The following CHRNA5 variants were observed in gnomAD, a reference collection of about 807,000 sequenced individuals.
CHRNA5 encodes cholinergic receptor nicotinic alpha 5 subunit, also known as neuronal acetylcholine receptor subunit alpha-5.
Under a neutral mutation model 41.2 loss-of-function variants are expected in CHRNA5, and 28 were observed. The ratio of observed to expected loss-of-function variants is 0.68; its 90% confidence interval spans 0.50 to 0.93. The LOEUF is 0.93. Among genes scored for constraint, CHRNA5 ranks in the 40% least tolerant of loss-of-function variants. CHRNA5 has a pLI of 0.00. For missense variants in CHRNA5, 481 were observed against 581.9 expected (o/e 0.83, Z 1.78); for synonymous variants, 188 against 205.8 (o/e 0.91, Z 0.74).
chr15:78,592,180 G>A (rs2053022583), intron 5 of CHRNA5, among the ~76,000 whole-genome samples: 1 of 152,096 alleles, frequency 6.6e-6, no homozygotes, highest in Non-Finnish European at 1.5e-5. Context: ...AAATTAGCTG[G>A]GCATGGTGGT....
At chr15:78,576,575 A>C (rs369654838) in intron 1 of CHRNA5, among the ~76,000 whole-genome samples, 6 of 152,302 alleles carry the variant, frequency 3.9e-5, no homozygotes, top group East Asian at 3.9e-4. Flanking sequence ...TGAGCCCAAG[A>C]GTTCAAGACC....
chr15:78,590,340 C>G lies in CHRNA5; in HGVS notation c.949C>G (p.Leu317Val), dbSNP rs116099178. ...AGTCATACCTCTAATTGGAGAGTAT[C>G]TGGTATTTACCATGATTTTTGTGAC... Residue 317 changes from leucine to valine, a missense_variant, in exon 5 of 6, where the codon CTG (leucine) becomes GTG (valine). By Grantham distance (32) the Leu-to-Val change is conservative. Coordinates refer to ENST00000299565, the Ensembl canonical transcript of CHRNA5. 54 of 1,614,154 alleles carry G rather than the reference C, an allele frequency of 3.3e-5. No homozygotes were observed. The African/African-American group carries it at 7.1e-4, about 21-fold the overall frequency.
In CHRNA5 at chr15:78,590,453, GA is replaced by G; in HGVS notation, c.1063del (p.Ile355TyrfsTer12). ...ATGCCATGGCGCCTTTGGTCCGCAA[GA>G]TATTTCTTCACACGCTTCCCAAACT... On this transcript the variant is annotated frameshift_variant, in exon 5 of 6. Transcript: ENST00000299565. LOFTEE classifies it high-confidence loss of function. 1 of 1,614,204 alleles carries G rather than the reference GA, an allele frequency of 6.2e-7. No individual in the cohort carries two copies.
chr15:78,590,692 A>G (rs1036440224), intron 5 of CHRNA5, 56 bp downstream of exon 5: 10 of 1,462,102 alleles, frequency 6.8e-6, no homozygotes, highest in Non-Finnish European at 9.3e-6. Flanking sequence ...TTCAGAAGTT[A>G]CTTTCATTAA....
chr15:78,565,795 C>G, exon 1 of CHRNA5: 1 of 1,222,564 alleles, frequency 8.2e-7, no homozygotes, highest in Non-Finnish European at 1.0e-6. Flanking sequence ...GCGCTGCGGT[C>G]TAGCGGGCGC....
intron 5 of CHRNA5, among the ~76,000 whole-genome samples, chr15:78,591,755 A>G (rs1387050584): frequency 6.6e-6 from 1 of 152,196 alleles, no homozygotes; most frequent in African/African-American, 2.4e-5. Context: ...GGTCACATGC[A>G]TAAGTTCTTT....
At chr15:78,571,283 C>T (rs2052802450) in intron 1 of CHRNA5, among the ~76,000 whole-genome samples, 1 of 152,146 alleles carries the variant, frequency 6.6e-6, no homozygotes, top group African/African-American at 2.4e-5. Context: ...CAATGTAAGG[C>T]TAATAGAAGC....
intron 3 of CHRNA5, among the ~76,000 whole-genome samples, chr15:78,586,913 T>C (rs995742084): frequency 6.6e-6 from 1 of 152,210 alleles, no homozygotes; most frequent in Non-Finnish European, 1.5e-5. Flanking sequence ...TGCCAGACAC[T>C]GTTATGGGGA....
rs559900907 is a variant in CHRNA5, at chr15:78,566,369, TCG to T, written c.106+545_106+546del. ...CCAACTTCCCTGGCTTCGGGGCTAA[TCG>T]TTTGCATCCAGAGTTCCTCACTAGC... On this transcript the variant is annotated intron_variant, in intron 1 of 5. Coordinates refer to ENST00000299565, the Ensembl canonical transcript of CHRNA5. Among the ~76,000 whole-genome samples the T allele has an allele frequency of 1.9e-4, 29 of 152,334 alleles. No homozygotes were observed. The South Asian group carries it at 3.1e-3, about 16-fold the overall frequency.
chr15:78,584,363 A>G (rs572486791), intron 2 of CHRNA5, among the ~76,000 whole-genome samples: 2 of 152,356 alleles, frequency 1.3e-5, no homozygotes, highest in East Asian at 3.9e-4. Flanking sequence ...CTCTTCTGCT[A>G]TATTTACACA....
At chr15:78,590,820 T>G in intron 5 of CHRNA5, 184 bp downstream of exon 5, 1 of 575,394 alleles carries the variant, frequency 1.7e-6, no homozygotes, top group Non-Finnish European at 3.0e-6. Flanking sequence ...TTAAAGCACC[T>G]GCAAAATGGG....
chr15:78,590,222 T>C, exon 5 of CHRNA5: 1 of 1,614,022 alleles, frequency 6.2e-7, no homozygotes, highest in Non-Finnish European at 8.5e-7. Context: ...TTCCTTCAAA[T>C]GAAGGTGAAA....
exon 5 of CHRNA5, chr15:78,590,336 G>A (rs2053000956): frequency 6.2e-7 from 1 of 1,614,024 alleles, no homozygotes; most frequent in Non-Finnish European, 8.5e-7. Context: ...TAATTGGAGA[G>A]TATCTGGTAT....
exon 1 of CHRNA5, chr15:78,565,782 G>C (rs1391837505): frequency 2.5e-6 from 3 of 1,221,034 alleles, no homozygotes; most frequent in East Asian, 3.2e-5. Context: ...AGCTGGTCGC[G>C]GGGCGCTGCG....
At chr15:78,586,574 A>G in intron 2 of CHRNA5, 71 bp from the exon 3 acceptor site, 1 of 927,722 alleles carries the variant, frequency 1.1e-6, no homozygotes, top group Middle Eastern at 3.4e-4. Flanking sequence ...TAACAATGTG[A>G]AATTTATTAT....
Position 78,586,690 on chromosome 15 carries a change from G to A in CHRNA5, c.303+1G>A, listed in dbSNP as rs778510395. 2.5e-6 allele frequency: 4 copies of A among 1,602,554 alleles called. No individual in the cohort carries two copies. The Admixed American group carries it at 6.7e-5, about 27-fold the overall frequency. ...GACAACAAACGTCTGGTTGAAACAG[G>A]TATGTGTGTAAAATTCAAACGGGCA... is the stretch of plus-strand genomic sequence containing the variant. On this transcript the variant is annotated splice_donor_variant, in intron 3 of 5. Coordinates refer to ENST00000299565, the Ensembl canonical transcript of CHRNA5. LOFTEE classifies it high-confidence loss of function.
rs1222027876 is a variant in CHRNA5, at chr15:78,565,744, CG to C, written c.26del (p.Arg9ProfsTer18). ...GATGGCGGCGCGGGGGTCAGGGCCCCGCGCGCTCCGCCTGCTGCTCTTGGTC... is the reference window on the plus strand; with the variant it reads ...GATGGCGGCGCGGGGGTCAGGGCCCCCGCGCTCCGCCTGCTGCTCTTGGTC... On this transcript the variant is annotated frameshift_variant, in exon 1 of 6. Coordinates refer to ENST00000299565, the Ensembl canonical transcript of CHRNA5. LOFTEE classifies it high-confidence loss of function. 4 of 1,198,208 alleles carry C rather than the reference CG, an allele frequency of 3.3e-6. No homozygotes were observed. Among genetic ancestry groups the C allele is most frequent in the African/African-American group, 1.6e-5 (1 of 62,824 alleles). The allele number at this position is 1,198,208 out of a possible 1,614,324, so 74.2% of individuals were successfully genotyped here. A position where few individuals can be genotyped will look rare whatever the true frequency, so the allele number is the denominator to read the frequency against.
chr15:78,570,690 A>C (rs2052796466), intron 1 of CHRNA5, among the ~76,000 whole-genome samples: 1 of 152,144 alleles, frequency 6.6e-6, no homozygotes, highest in Non-Finnish European at 1.5e-5. Flanking sequence ...CTGACAAAAA[A>C]GGTGATATGA....
chr15:78,574,218 T>C (rs1013747663), intron 1 of CHRNA5, among the ~76,000 whole-genome samples: 2 of 150,894 alleles, frequency 1.3e-5, no homozygotes, highest in African/African-American at 4.9e-5. Context: ...CCGTCTCTAC[T>C]AAAAATACAA....
Sources: gnomAD v4.1 joint callset for allele counts (sites outside exome capture counted in the v4.1 genomes callset) on GRCh38, gnomAD v4.1.1 for gene constraint, MANE v1.5 for transcripts, NCBI Gene and HGNC (gene_info 2026-07-23, HGNC 2026-07-21) for gene names.